NRXN1: variants seen among roughly 807,000 people sequenced by gnomAD.
The protein encoded by NRXN1 is neurexin-1.
In NRXN1, 39 loss-of-function variants were observed where a neutral mutation model predicts 150.9. The observed-to-expected ratio is 0.26, with a 90% CI of 0.20 to 0.34. The LOEUF (loss-of-function observed/expected upper bound fraction) is 0.34, where lower values mean the gene tolerates loss of function less well. Among genes scored for constraint, NRXN1 ranks in the 10% least tolerant of loss-of-function variants. The pLI is 1.00. For synonymous variants in NRXN1, 924 were observed against 757.0 expected, an observed-to-expected ratio of 1.22 and a Z score of -3.62; for missense variants, 1,815 against 1,949.9, an observed-to-expected ratio of 0.93 and a Z score of 1.30.
At chr2:50,881,909 A>G (rs916537333) in intron 5 of NRXN1, among the ~76,000 whole-genome samples, 1 of 151,788 alleles carries the variant, frequency 6.6e-6, no homozygotes, top group African/African-American at 2.4e-5. Context: ...TTTTTAAAAA[A>G]ATATAATACA....
At chr2:50,360,310 A>T (rs1178970764) in intron 17 of NRXN1, among the ~76,000 whole-genome samples, 2 of 152,212 alleles carry the variant, frequency 1.3e-5, no homozygotes, top group Non-Finnish European at 2.9e-5. Context: ...GAAAGGCAAG[A>T]CTGGCAAATT....
At chr2:50,515,091 G>A (rs945953761) in intron 12 of NRXN1, among the ~76,000 whole-genome samples, 17 of 152,122 alleles carry the variant, frequency 1.1e-4, no homozygotes, top group Admixed American at 3.3e-4. Context: ...ATTTACAGCC[G>A]CTCTCCATTA....
At chr2:50,987,851 G>A (rs1381258378) in intron 2 of NRXN1, among the ~76,000 whole-genome samples, 1 of 151,900 alleles carries the variant, frequency 6.6e-6, no homozygotes, top group African/African-American at 2.4e-5. Flanking sequence ...TGTCCAGTTT[G>A]TAGCAGCTGC....
At chr2:50,757,698 G>A (rs745389458) in intron 5 of NRXN1, among the ~76,000 whole-genome samples, 11 of 151,746 alleles carry the variant, frequency 7.2e-5, no homozygotes, top group African/African-American at 2.4e-4. Flanking sequence ...CTAGAATGGT[G>A]TACAAGCGTG....
intron 21 of NRXN1, chr2:49,970,165 C>T (rs756643475): frequency 2.6e-5 from 4 of 151,948 alleles, no homozygotes; most frequent in Non-Finnish European, 5.9e-5. Flanking sequence ...AATAGTAAAA[C>T]AAGTATTTGA....
intron 18 of NRXN1, among the ~76,000 whole-genome samples, chr2:50,131,620 G>C (rs1386078733): frequency 6.6e-6 from 1 of 152,174 alleles, no homozygotes; most frequent in African/African-American, 2.4e-5. Flanking sequence ...GCCACTTAAA[G>C]TGCAGAGCAG....
intron 21 of NRXN1, among the ~76,000 whole-genome samples, chr2:49,956,868 G>T (rs2104510049): frequency 6.6e-6 from 1 of 152,204 alleles, no homozygotes; most frequent in African/African-American, 2.4e-5. Context: ...TTGACTTTTA[G>T]TTCTCCAATT....
chr2:50,579,693 G>A (rs557349456), intron 8 of NRXN1, among the ~76,000 whole-genome samples: 1 of 152,176 alleles, frequency 6.6e-6, no homozygotes, highest in African/African-American at 2.4e-5. Context: ...GAGTGTAGAG[G>A]AAGTGAGTTG....
chr2:50,141,606 T>C (rs767734422), intron 18 of NRXN1, among the ~76,000 whole-genome samples: 8 of 151,842 alleles, frequency 5.3e-5, no homozygotes, highest in Admixed American at 5.3e-4. Context: ...AACAATTCAA[T>C]AGCAAAAAGC....
At chr2:50,277,000 A>G (rs2070567326) in intron 17 of NRXN1, among the ~76,000 whole-genome samples, 1 of 152,144 alleles carries the variant, frequency 6.6e-6, no homozygotes, top group Non-Finnish European at 1.5e-5. Flanking sequence ...ATTTACCTGT[A>G]TGACAAACAG....
intron 3 of NRXN1, among the ~76,000 whole-genome samples, chr2:50,923,893 C>A (rs1024387061): frequency 6.6e-6 from 1 of 151,754 alleles, no homozygotes; most frequent in African/African-American, 2.4e-5. Flanking sequence ...AAATAATCAT[C>A]TAATCACAAT....
chr2:50,951,308 T>C (rs759934922), intron 2 of NRXN1, among the ~76,000 whole-genome samples: 4 of 152,158 alleles, frequency 2.6e-5, no homozygotes, highest in Admixed American at 6.5e-5. Context: ...GATCAGAGAA[T>C]GTGCTGACCT....
chr2:50,083,849 T>G (rs753183846), intron 19 of NRXN1, among the ~76,000 whole-genome samples: 10 of 151,862 alleles, frequency 6.6e-5, no homozygotes, highest in Non-Finnish European at 1.3e-4. Flanking sequence ...CTGAGCTAGA[T>G]ACAGAGTGCT....
chr2:50,183,205 A>G (rs940452617), intron 18 of NRXN1, among the ~76,000 whole-genome samples: 6 of 152,110 alleles, frequency 3.9e-5, no homozygotes, highest in African/African-American at 1.4e-4. Context: ...TTGTCTTAGG[A>G]CAACACTGAA....
chr2:50,414,711 A>G (rs1207957515), intron 17 of NRXN1, among the ~76,000 whole-genome samples: 1 of 152,078 alleles, frequency 6.6e-6, no homozygotes, highest in African/African-American at 2.4e-5. Context: ...AATTTAATGT[A>G]TATACTATAA....
At chr2:50,796,396 T>C (rs529980843) in intron 5 of NRXN1, among the ~76,000 whole-genome samples, 1 of 152,124 alleles carries the variant, frequency 6.6e-6, no homozygotes, top group Non-Finnish European at 1.5e-5. Context: ...GGGTAATATA[T>C]GTGTTGCAAA....
intron 5 of NRXN1, among the ~76,000 whole-genome samples, chr2:50,876,926 G>A (rs916261771): frequency 1.3e-4 from 19 of 151,910 alleles, no homozygotes; most frequent in African/African-American, 4.3e-4. Flanking sequence ...AAGGAAATCT[G>A]TTTGCTTCTG....
At chr2:50,865,391 G>T (rs1317537990) in intron 5 of NRXN1, among the ~76,000 whole-genome samples, 1 of 151,850 alleles carries the variant, frequency 6.6e-6, no homozygotes, top group Non-Finnish European at 1.5e-5. Context: ...GTGTGTCTCT[G>T]TGTGTTAAAT....
At chr2:51,005,498 A>G (rs1217874883) in intron 2 of NRXN1, among the ~76,000 whole-genome samples, 1 of 152,026 alleles carries the variant, frequency 6.6e-6, no homozygotes, top group Non-Finnish European at 1.5e-5. Flanking sequence ...CAGATAAGCA[A>G]GAAATAAGGG....
Sources: gnomAD v4.1 joint callset for allele counts (sites outside exome capture counted in the v4.1 genomes callset) on GRCh38, gnomAD v4.1.1 for gene constraint, MANE v1.5 for transcripts, NCBI Gene and HGNC (gene_info 2026-07-23, HGNC 2026-07-21) for gene names.